The following PRSS36 variants were observed in gnomAD, a reference collection of about 807,000 sequenced individuals.
The protein encoded by PRSS36 is polyserase-2.
Under a neutral mutation model 94.3 loss-of-function variants are expected in PRSS36, and 90 were observed. The ratio of observed to expected loss-of-function variants is 0.95; its 90% CI spans 0.80 to 1.14. The LOEUF (loss-of-function observed/expected upper bound fraction) is 1.14, where lower values mean the gene tolerates loss of function less well. PRSS36 is among the 50% of genes most tolerant of loss of function. The pLI, the probability that PRSS36 is intolerant of heterozygous loss-of-function variation, is 0.00. For missense variants in PRSS36, 1,158 were observed against 1,135.0 expected, an observed-to-expected ratio of 1.02 and a Z score of -0.29; for synonymous variants, 500 against 489.6, an observed-to-expected ratio of 1.02 and a Z score of -0.28.
chr16:31,144,530 A>T (rs1028498171), intron 6 of PRSS36, among the ~76,000 whole-genome samples: 25 of 151,390 alleles, frequency 1.7e-4, no homozygotes, highest in African/African-American at 5.6e-4. Flanking sequence ...CTGGTCTCAG[A>T]CTCCTGGGCT....
At position 31,143,780 on chromosome 16, in the gene PRSS36, T is replaced by C. The variant is rs1402824164; in HGVS notation, c.778A>G (p.Ile260Val). 6.2e-7 allele frequency: 1 copy of C among 1,613,966 alleles called. No individual in the cohort carries two copies. Among genetic ancestry groups the C allele is most frequent in the Non-Finnish European group, 8.5e-7 (1 of 1,180,030 alleles). The change falls in exon 7 of 15, where the codon ATC becomes GTC. Residue 260 changes from isoleucine (I) to valine (V), a missense_variant. Ile to Val is a conservative substitution (Grantham distance 29, BLOSUM62 3). Transcript: ENST00000268281. ...EEGGRWFQAG[I>V]TSFGFGCGRR... ...CCACAGCCAAAGCCAAAGCTGGTGATTCCTGCCTGGAACCAGCGGCCGCCT... is the reference window on the plus strand; with the variant it reads ...CCACAGCCAAAGCCAAAGCTGGTGACTCCTGCCTGGAACCAGCGGCCGCCT...
At chr16:31,144,267 C>T (rs921547509) in intron 6 of PRSS36, among the ~76,000 whole-genome samples, 24 of 152,100 alleles carry the variant, frequency 1.6e-4, no homozygotes, top group Non-Finnish European at 3.2e-4. Flanking sequence ...CTCTGCCTCC[C>T]GGGTTCAAGT....
chr16:31,144,133 C>CCTCT (rs2057761516), intron 6 of PRSS36, among the ~76,000 whole-genome samples: 1 of 151,700 alleles, frequency 6.6e-6, no homozygotes, highest in South Asian at 2.1e-4. Flanking sequence ...AAATAATTCC[C>CCTCT]CTCCCTCCCT....
rs1337463685 is a variant in PRSS36 at position 31,143,478 on chromosome 16, G to A, written c.971-7C>T. On this transcript the variant is annotated splice_region_variant and splice_polypyrimidine_tract_variant and intron_variant, in intron 7 of 14. Coordinates refer to ENST00000268281, the MANE Select transcript of PRSS36 (RefSeq NM_173502.5). ...CGCGGGGCCTTCCCGCACTCTGAGG[G>A]GTGAGAGGCCTGGGTCAGTGGGCCT... 5.0e-6 allele frequency: 8 copies of A among 1,606,266 alleles called. No individual in the cohort carries two copies. The Admixed American group carries it at 1.4e-4, about 27-fold the overall frequency.
rs776038773 is a variant in PRSS36 at position 31,149,462 on chromosome 16, C to T, written c.109+1G>A. 6 of 1,614,038 alleles carry T rather than the reference C, an allele frequency of 3.7e-6. No individual in the cohort carries two copies. The highest frequency in any genetic ancestry group is 1.6e-4 in the Middle Eastern group (1 of 6,084). ...TGAGGGTGCCAAGGCCTCTTCCTTA[C>T]CCAGATCTTCAGGTTCTTCCTGGGT... On this transcript the variant is annotated splice_donor_variant, in intron 3 of 14. Coordinates refer to ENST00000268281, the MANE Select transcript of PRSS36 (RefSeq NM_173502.5). LOFTEE classifies it high-confidence loss of function.
chr16:31,142,664 G>C lies in PRSS36; in HGVS notation c.1358-20C>G, dbSNP rs961140965. 10 of 1,418,368 alleles carry C rather than the reference G, an allele frequency of 7.1e-6. No individual in the cohort carries two copies. Among genetic ancestry groups the C allele is most frequent in the Non-Finnish European group, 9.2e-6 (10 of 1,086,242 alleles). The allele number at this position is 1,418,368 out of a possible 1,614,324, so 87.9% of individuals were successfully genotyped here. ...CGGGTTCTGGAAGGGAAAAGGCAGGGAGCCCGCGCTGCGGCCCAGACGGCC... is the reference window on the plus strand; with the variant it reads ...CGGGTTCTGGAAGGGAAAAGGCAGGCAGCCCGCGCTGCGGCCCAGACGGCC... On this transcript the variant is annotated intron_variant, in intron 9 of 14. Coordinates refer to ENST00000268281, the MANE Select transcript of PRSS36 (RefSeq NM_173502.5).
chr16:31,147,962 G>A (rs2057822193), intron 5 of PRSS36, among the ~76,000 whole-genome samples: 1 of 152,142 alleles, frequency 6.6e-6, no homozygotes, highest in Non-Finnish European at 1.5e-5. Flanking sequence ...TGCTATGCCA[G>A]GCACTGTACT....
In PRSS36 at chr16:31,149,476, T is replaced by C; in HGVS notation, c.96A>G (p.Glu32=). 1 of 1,613,954 alleles carries C rather than the reference T, an allele frequency of 6.2e-7. No homozygotes were observed. The highest frequency in any genetic ancestry group is 2.2e-5 in the East Asian group (1 of 44,874). ...CCTCTTCCTTACCCAGATCTTCAGGTTCTTCCTGGGTAGGACTGAGAGCTG... is the reference window on the plus strand; with the variant it reads ...CCTCTTCCTTACCCAGATCTTCAGGCTCTTCCTGGGTAGGACTGAGAGCTG... ...QDSALSPTQE[E]PEDLDCGRPE... The change falls in exon 3 of 15, where the codon GAA becomes GAG. Residue 32 remains glutamate, a synonymous_variant. Coordinates refer to ENST00000268281, the MANE Select transcript of PRSS36 (RefSeq NM_173502.5).
chr16:31,144,402 C>T (rs536799545), intron 6 of PRSS36, among the ~76,000 whole-genome samples: 3 of 152,256 alleles, frequency 2.0e-5, no homozygotes, highest in African/African-American at 4.8e-5. Context: ...CTCAAACTCT[C>T]GACCTCAAGT....
In PRSS36 at chr16:31,142,679, C is replaced by T. The variant is rs564378728; in HGVS notation, c.1358-35G>A. 10 of 1,401,664 alleles carry T rather than the reference C, an allele frequency of 7.1e-6. No homozygotes were observed. The East Asian group carries it at 2.6e-4, about 36-fold the overall frequency. 86.8% of individuals were successfully genotyped at this position (1,401,664 alleles called of 1,614,324 possible). A position where few individuals can be genotyped will look rare whatever the true frequency, so the allele number is the denominator to read the frequency against. On this transcript the variant is annotated intron_variant, in intron 9 of 14. Coordinates refer to ENST00000268281, the MANE Select transcript of PRSS36 (RefSeq NM_173502.5). ...AAAAGGCAGGGAGCCCGCGCTGCGG[C>T]CCAGACGGCCCCTGCACCGCCCGGT...
rs1161698333 is a variant in PRSS36, at chr16:31,139,163, A to C, written c.2543T>G (p.Leu848Arg). The change falls in exon 15 of 15, where the codon CTG becomes CGG. Residue 848 changes from leucine (L) to arginine (R), a missense_variant. By Grantham distance (102) the Leu-to-Arg change is moderately radical. Transcript: ENST00000268281. ...TCAGCTCTGGATCAGGAGAGTCAGC[A>C]GGAGCAGGAAGTAGACTGCATGCGG... ...GSPHAVYFLL[L>R]LTLLIQS The C allele has an allele frequency of 6.3e-7, 1 of 1,579,486 alleles. No homozygotes were observed. The highest frequency in any genetic ancestry group is 1.3e-5 in the African/African-American group (1 of 74,142).
intron 1 of PRSS36, 46 bp downstream of exon 1, chr16:31,149,953 G>GCCAGGAC: frequency 6.2e-7 from 1 of 1,605,876 alleles, no homozygotes; most frequent in Non-Finnish European, 8.5e-7. Context: ...CCCCCCAGAT[G>GCCAGGAC]CCAGGACCCA....
Position 31,140,149 on chromosome 16 carries a change from C to A in PRSS36, c.2289+145G>T, listed in dbSNP as rs151090398. ...GAGCTTGCAGTGAGCCGAGATCGCGCCACTGCACTCCAGCTGGGGGACAGA... is the reference window on the plus strand; with the variant it reads ...GAGCTTGCAGTGAGCCGAGATCGCGACACTGCACTCCAGCTGGGGGACAGA... On this transcript the variant is annotated intron_variant, in intron 14 of 14. Transcript: ENST00000268281. 949 of 804,230 alleles carry A rather than the reference C, an allele frequency of 1.2e-3. 7 individuals are homozygous for A. The African/African-American group carries it at 0.013, about 11-fold the overall frequency. The allele number at this position is 804,230 out of a possible 1,614,324, so 49.8% of individuals were successfully genotyped here.
Position 31,149,677 on chromosome 16 carries a change from C to T in PRSS36, c.73+19G>A. The stretch of plus-strand genomic sequence containing the variant: ...TTTCTGCCTCTGCACGTGACTTTCC[C>T]CCAGTCCGGCTACCTTACCTGAGTC... On this transcript the variant is annotated intron_variant, in intron 2 of 14. Coordinates refer to ENST00000268281, the MANE Select transcript of PRSS36 (RefSeq NM_173502.5). 1 of 1,614,172 alleles carries T rather than the reference C, an allele frequency of 6.2e-7. No homozygotes were observed. Among genetic ancestry groups the T allele is most frequent in the Non-Finnish European group, 8.5e-7 (1 of 1,180,010 alleles).
chr16:31,141,975 T>C lies in PRSS36; in HGVS notation c.1522-15A>G, dbSNP rs750601154. 2 of 1,609,256 alleles carry C rather than the reference T, an allele frequency of 1.2e-6. No individual in the cohort carries two copies. The highest frequency in any genetic ancestry group is 8.5e-7 in the Non-Finnish European group (1 of 1,175,728). On this transcript the variant is annotated splice_polypyrimidine_tract_variant and intron_variant, in intron 10 of 14. Transcript: ENST00000268281. ...CGCGAGTCATTCTGCAGCAACAAAG[T>C]GTGTGTGTTACTTGCCTCTGCGTGT...
chr16:31,139,594 T>A (rs919728788), intron 14 of PRSS36, among the ~76,000 whole-genome samples, 178 bp from the exon 15 acceptor site: 2 of 151,944 alleles, frequency 1.3e-5, no homozygotes, highest in Non-Finnish European at 2.9e-5. Flanking sequence ...ATAATTCCAA[T>A]CCTGGCCAGG....
chr16:31,146,298 G>A (rs1596857928), intron 5 of PRSS36, among the ~76,000 whole-genome samples: 2 of 152,114 alleles, frequency 1.3e-5, no homozygotes, highest in Admixed American at 6.6e-5. Context: ...GATGCCATAC[G>A]GACTTGACAT....
At position 31,140,696 on chromosome 16, in the gene PRSS36, G is replaced by A; in HGVS notation, c.1963C>T (p.Leu655Phe). Residue 655 changes from leucine (L) to phenylalanine (F), a missense_variant, in exon 13 of 15, where the codon CTC (leucine) becomes TTC (phenylalanine). Physicochemically the swap from Leu to Phe is conservative, Grantham distance 22 (BLOSUM62 0). Coordinates refer to ENST00000268281, the MANE Select transcript of PRSS36 (RefSeq NM_173502.5). ...VYLGRAGASS[L>F]PQGHQVSRLV... The stretch of plus-strand genomic sequence containing the variant: ...CGGGATACCTGGTGGCCCTGTGGGA[G>A]GGAGCTGGCCCCTGCCCGGCCCAGA... The A allele has an allele frequency of 2.5e-6, 4 of 1,614,104 alleles. No homozygotes were observed. The highest frequency in any genetic ancestry group is 3.4e-6 in the Non-Finnish European group (4 of 1,179,986).
At chr16:31,148,336 C>T in intron 5 of PRSS36, 59 bp downstream of exon 5, 1 of 1,462,948 alleles carries the variant, frequency 6.8e-7, no homozygotes, top group Non-Finnish European at 9.0e-7. Flanking sequence ...GCCCTAGGAA[C>T]CTCACCTCTC....
Sources: allele counts gnomAD v4.1 joint callset (sites outside exome capture counted in the v4.1 genomes callset), GRCh38; gene constraint gnomAD v4.1.1; transcripts MANE v1.5; gene names NCBI Gene and HGNC (gene_info 2026-07-23, HGNC 2026-07-21).